RECQL5: variants seen among roughly 807,000 people sequenced by gnomAD.
RECQL5 encodes the protein RecQ like helicase 5.
In RECQL5, 88 loss-of-function variants were observed where a neutral mutation model predicts 103.4. The ratio of observed to expected loss-of-function variants is 0.85; its 90% confidence interval spans 0.72 to 1.02. The LOEUF is 1.02. Among genes scored for constraint, RECQL5 ranks in the 50% least tolerant of loss-of-function variants. RECQL5 has a pLI of 0.00. For missense variants in RECQL5, 1,232 were observed against 1,284.3 expected (o/e 0.96, Z 0.62); for synonymous variants, 552 against 507.9 (o/e 1.09, Z -1.17).
chr17:75,666,304 A>AGTTTT, intron 2 of RECQL5, 124 bp downstream of exon 2: 1 of 1,155,526 alleles, frequency 8.7e-7, no homozygotes, highest in South Asian at 1.5e-5. Flanking sequence ...ACAACTCTAA[A>AGTTTT]GATTTCCAAA....
At chr17:75,666,234 T>C (rs1255677501) in intron 2 of RECQL5, among the ~76,000 whole-genome samples, 194 bp downstream of exon 2, 1 of 152,162 alleles carries the variant, frequency 6.6e-6, no homozygotes, top group East Asian at 1.9e-4. Flanking sequence ...GAGACCAGCC[T>C]GAGCAACATG....
At chr17:75,635,963 G>A in intron 8 of RECQL5, 1 of 512,300 alleles carries the variant, frequency 2.0e-6, no homozygotes, top group Non-Finnish European at 2.5e-6. Context: ...GGCTCCGTGT[G>A]CCAGGAGATG....
Position 75,658,333 on chromosome 17 carries a change from T to C in RECQL5, c.1114A>G (p.Ser372Gly), listed in dbSNP as rs1252295505. 1 of 1,613,850 alleles carries C rather than the reference T, an allele frequency of 6.2e-7. No homozygotes were observed. Among genetic ancestry groups the C allele is most frequent in the African/African-American group, 1.3e-5 (1 of 74,918 alleles). ...GCTACTTCCTTCCTGATCAGGAAGC[T>C]GACTTGGTCCCGGTCATTCCTGGAG... ...YYSRNDRDQV[S>G]FLIRKEVAKL... Residue 372 changes from serine (S) to glycine (G), a missense_variant, in exon 7 of 20, where the codon AGC (serine) becomes GGC (glycine). Physicochemically the swap from Ser to Gly is moderately conservative, Grantham distance 56. Coordinates refer to ENST00000317905, the MANE Select transcript of RECQL5 (RefSeq NM_004259.7).
chr17:75,648,192 C>T (rs62089259), intron 8 of RECQL5, among the ~76,000 whole-genome samples: 1,601 of 152,082 alleles, frequency 0.011, 11 homozygotes, highest in Non-Finnish European at 0.017. Flanking sequence ...TCTCATTGAC[C>T]GGGATGCTCT....
At chr17:75,631,080 G>A (rs763498056) in intron 10 of RECQL5, 70 bp from the exon 11 acceptor site, 106 of 1,609,340 alleles carry the variant, frequency 6.6e-5, no homozygotes, top group Non-Finnish European at 8.8e-5. Context: ...CAGCACCAGA[G>A]AAGGGGCTGA....
At chr17:75,651,851 G>T (rs1040980922) in intron 7 of RECQL5, among the ~76,000 whole-genome samples, 5 of 152,098 alleles carry the variant, frequency 3.3e-5, no homozygotes, top group Non-Finnish European at 5.9e-5. Flanking sequence ...CAAATGTTGT[G>T]AACTTAACAA....
At chr17:75,650,364 T>G (rs2059539109) in intron 8 of RECQL5, 4 of 1,158,424 alleles carry the variant, frequency 3.5e-6, no homozygotes, top group Non-Finnish European at 4.3e-6. Flanking sequence ...CCAAAGAGTT[T>G]CTCTGATTTC....
chr17:75,658,374 C>T lies in RECQL5; in HGVS notation c.1073G>A (p.Trp358Ter). 6.2e-7 allele frequency: 1 copy of T among 1,614,020 alleles called. No individual in the cohort carries two copies. Among genetic ancestry groups the T allele is most frequent in the African/African-American group, 1.3e-5 (1 of 75,006 alleles). ...ATTCCTGGAGTAATAGAGACGGCAC[C>T]AGGAAGGCTTCCCATCCCTGCCAGC... The part of the protein sequence containing the change: ...GRAGRDGKPS[W>*]CRLYYSRNDR... The change falls in exon 7 of 20, where the codon TGG becomes TAG. Residue 358 changes from tryptophan to a stop codon, truncating the protein, a stop_gained. Coordinates refer to ENST00000317905, the MANE Select transcript of RECQL5 (RefSeq NM_004259.7). LOFTEE classifies it high-confidence loss of function.
In RECQL5 at chr17:75,627,199, G is replaced by A. The variant is rs1285801395; in HGVS notation, c.*223C>T. ...TGTGTCCCAGAAAACCCAGCCATGAGGACCGCTCTGAGAAGGGTCTATAGG... is the reference window on the plus strand; with the variant it reads ...TGTGTCCCAGAAAACCCAGCCATGAAGACCGCTCTGAGAAGGGTCTATAGG... On this transcript the variant is annotated 3_prime_UTR_variant, in exon 20 of 20. Transcript: ENST00000317905. 3 of 654,612 alleles carry A rather than the reference G, an allele frequency of 4.6e-6. No homozygotes were observed. The highest frequency in any genetic ancestry group is 8.5e-6 in the Non-Finnish European group (3 of 354,898). 40.6% of individuals were successfully genotyped at this position (654,612 alleles called of 1,614,324 possible). A position where few individuals can be genotyped will look rare whatever the true frequency, so the allele number is the denominator to read the frequency against.
chr17:75,661,099 C>CA, intron 5 of RECQL5, 33 bp from the exon 6 acceptor site: 1 of 1,543,966 alleles, frequency 6.5e-7, no homozygotes, highest in Non-Finnish European at 9.0e-7. Flanking sequence ...GAAGGGAACT[C>CA]ACATTTCCCT....
At chr17:75,665,004 T>G in intron 3 of RECQL5, 47 bp downstream of exon 3, 1 of 1,496,958 alleles carries the variant, frequency 6.7e-7, no homozygotes, top group South Asian at 1.3e-5. Context: ...TCAAAAAACC[T>G]TCCCCGAATC....
intron 14 of RECQL5, 30 bp downstream of exon 14, chr17:75,630,154 C>A (rs564304667): frequency 6.6e-7 from 1 of 1,513,512 alleles, no homozygotes; most frequent in Admixed American, 2.2e-5. Context: ...GCCCCTGCAA[C>A]GACCCTGGGT....
At position 75,636,946 on chromosome 17, in the gene RECQL5, TG is replaced by T. The variant is rs2059334492; in HGVS notation, c.1230-5279del. ...TCCAGTCAGCCCCCTAGGGAAGCCC[TG>T]GGCGCAAAGCTATGACACTGTCCAC... On this transcript the variant is annotated intron_variant, in intron 8 of 19. Coordinates refer to ENST00000317905, the MANE Select transcript of RECQL5 (RefSeq NM_004259.7). This position sits in a 1 kb window ranked among gnomAD's most constrained non-coding sequence, Gnocchi z 5.4. 1 of 152,184 alleles carries T rather than the reference TG, an allele frequency of 6.6e-6. No homozygotes were observed. The highest frequency in any genetic ancestry group is 1.5e-5 in the Non-Finnish European group (1 of 68,056). 9.4% of individuals were successfully genotyped at this position (152,184 alleles called of 1,614,324 possible).
chr17:75,666,174 C>T (rs1301777025), intron 2 of RECQL5, among the ~76,000 whole-genome samples: 1 of 152,118 alleles, frequency 6.6e-6, no homozygotes, highest in Non-Finnish European at 1.5e-5. Flanking sequence ...GCTTGTAATC[C>T]CAGCACCTTG....
At position 75,658,436 on chromosome 17, in the gene RECQL5, G is replaced by A. The variant is rs1223754195; in HGVS notation, c.1011C>T (p.Ala337=). 1.2e-6 allele frequency: 2 copies of A among 1,613,774 alleles called. No individual in the cohort carries two copies. The highest frequency in any genetic ancestry group is 1.7e-6 in the Non-Finnish European group (2 of 1,179,818). The change falls in exon 7 of 20, where the codon GCC becomes GCT. Residue 337 remains alanine, a synonymous_variant. Coordinates refer to ENST00000317905, the MANE Select transcript of RECQL5 (RefSeq NM_004259.7). ...NVRFVAHWNI[A]KSMAGYYQES... ...CCTGGTAGTACCCAGCCATAGACTT[G>A]GCAATATTCCAATGGGCGACAAACC...
intron 2 of RECQL5, among the ~76,000 whole-genome samples, chr17:75,665,810 A>G (rs914080586): frequency 6.6e-6 from 1 of 152,180 alleles, no homozygotes; most frequent in African/African-American, 2.4e-5. Flanking sequence ...ATGAGAGGAC[A>G]TTACTTAGAG....
At position 75,630,975 on chromosome 17, in the gene RECQL5, T is replaced by C. The variant is rs1568259130; in HGVS notation, c.1584A>G (p.Pro528=). Residue 528 remains proline (P), a splice_region_variant and synonymous_variant, in exon 11 of 20, where the codon CCA becomes CCG. Coordinates refer to ENST00000317905, the MANE Select transcript of RECQL5 (RefSeq NM_004259.7). ...CTCCAGGAACATTTCTGTACTGACC[T>C]GGGGGTACAAATTCTTCTATCTTGG... ...KDPKIEEFVP[P]DENCPLKEAS... 3 of 1,613,768 alleles carry C rather than the reference T, an allele frequency of 1.9e-6. No individual in the cohort carries two copies. The highest frequency in any genetic ancestry group is 1.6e-4 in the Middle Eastern group (1 of 6,062).
intron 8 of RECQL5, among the ~76,000 whole-genome samples, chr17:75,644,744 G>T (rs193097987): frequency 6.6e-6 from 1 of 150,734 alleles, no homozygotes; most frequent in Admixed American, 6.6e-5. Context: ...CAGGAGAATC[G>T]CCTGAACCCG....
intron 8 of RECQL5, among the ~76,000 whole-genome samples, chr17:75,644,452 A>T (rs979736624): frequency 5.3e-5 from 8 of 151,926 alleles, no homozygotes; most frequent in Non-Finnish European, 1.2e-4. Flanking sequence ...CAAATATAAA[A>T]AAAAATTAGC....
Sources: gnomAD v4.1 joint callset for allele counts (sites outside exome capture counted in the v4.1 genomes callset) on GRCh38, gnomAD v4.1.1 for gene constraint, Gnocchi (gnomAD v3.1) non-coding constraint, MANE v1.5 for transcripts, NCBI Gene and HGNC (gene_info 2026-07-23, HGNC 2026-07-21) for gene names.